The following SERPINA12 variants were observed in gnomAD, a reference collection of about 807,000 sequenced individuals.
SERPINA12 encodes the protein serpin A12.
SERPINA12 carries 21 observed loss-of-function variants against 25.9 expected under a neutral mutation model. The ratio of observed to expected loss-of-function variants is 0.81; its 90% CI spans 0.58 to 1.17. The LOEUF (loss-of-function observed/expected upper bound fraction) is 1.17. SERPINA12 is among the 50% of genes most tolerant of loss of function. SERPINA12 has a pLI of 0.00. For synonymous variants in SERPINA12, 220 were observed against 196.0 expected (o/e 1.12, Z -1.02); for missense variants, 562 against 508.3 (o/e 1.11, Z -1.02).
intron 3 of SERPINA12, among the ~76,000 whole-genome samples, chr14:94,495,556 G>A (rs903644545): frequency 6.6e-6 from 1 of 152,184 alleles, no homozygotes; most frequent in African/African-American, 2.4e-5. Context: ...AGGACGTTAG[G>A]TGTGGCAGAG....
In SERPINA12 at chr14:94,487,346, G is replaced by A; in HGVS notation, c.1202C>T (p.Ser401Phe). The A allele has an allele frequency of 1.2e-6, 2 of 1,614,078 alleles. No individual in the cohort carries two copies. Among genetic ancestry groups the A allele is most frequent in the Non-Finnish European group, 1.7e-6 (2 of 1,179,986 alleles). Residue 401 changes from serine to phenylalanine, a missense_variant, in exon 5 of 5, where the codon TCC (serine) becomes TTC (phenylalanine). By Grantham distance (155) the Ser-to-Phe change is radical. Transcript: ENST00000677451. ...LLLIYSEKIP[S>F]VLFLGKIVNP... ...AACAATCTTTCCCAGGAAGAGCACG[G>A]AAGGTATTTTCTCGCTGTAAATCAG...
intron 3 of SERPINA12, among the ~76,000 whole-genome samples, chr14:94,492,239 T>C (rs1381694647): frequency 1.3e-5 from 2 of 150,798 alleles, no homozygotes; most frequent in Non-Finnish European, 3.0e-5. Context: ...TGGACTGGAG[T>C]GGATTTAGGA....
intron 3 of SERPINA12, among the ~76,000 whole-genome samples, chr14:94,490,689 C>G (rs1449511039): frequency 6.6e-6 from 1 of 152,116 alleles, no homozygotes; most frequent in Non-Finnish European, 1.5e-5. Flanking sequence ...TATCTCCACT[C>G]CCTCCCACAA....
rs34827644 is a variant in SERPINA12 at position 94,496,495 on chromosome 14, T to C, written c.783A>G (p.Glu261=). ...CTGTGATATTTTTCTGGTAGGGTAT[T>C]TCCAGGATGGTGCAAGAGAGCTTAT... ...YDDKLSCTIL[E]IPYQKNITAI... is the part of the protein sequence containing the mutation. Residue 261 remains glutamate, a synonymous_variant, in exon 3 of 5, where the codon GAA becomes GAG. Coordinates refer to ENST00000677451, the MANE Select transcript of SERPINA12 (RefSeq NM_001382267.1). 1.9e-3 allele frequency: 3,021 copies of C among 1,614,122 alleles called. 56 individuals are homozygous for C. In the African/African-American group the frequency reaches 0.036, roughly 19 times the overall value.
In SERPINA12 at chr14:94,497,859, A is replaced by T. The variant is rs1161775165; in HGVS notation, c.539T>A (p.Phe180Tyr). The change falls in exon 2 of 5, where the codon TTT (phenylalanine) becomes TAT (tyrosine). Residue 180 changes from phenylalanine to tyrosine, a missense_variant. Physicochemically the swap from Phe to Tyr is conservative, Grantham distance 22. Coordinates refer to ENST00000677451, the MANE Select transcript of SERPINA12 (RefSeq NM_001382267.1). ...TTTCCCATGGGTTTTTTGACTGATA[A>T]AGTCATTGATCTGCTTCTGAGCCAT... ...LEMAQKQIND[F>Y]ISQKTHGKIN... 6.2e-7 allele frequency: 1 copy of T among 1,614,174 alleles called. No individual in the cohort carries two copies. The highest frequency in any genetic ancestry group is 8.5e-7 in the Non-Finnish European group (1 of 1,180,038).
At chr14:94,502,683 G>C (rs1189934050) in intron 1 of SERPINA12, among the ~76,000 whole-genome samples, 1 of 152,196 alleles carries the variant, frequency 6.6e-6, no homozygotes, top group Non-Finnish European at 1.5e-5. Context: ...GGATGAAACT[G>C]ACTGGCTAGA....
intron 1 of SERPINA12, chr14:94,501,163 G>T (rs542366800): frequency 1.0e-6 from 1 of 985,378 alleles, no homozygotes; most frequent in African/African-American, 1.7e-5. Flanking sequence ...CCATTTCAGG[G>T]TTTAGGGGGC....
chr14:94,511,823 ACT>A (rs1241012966), upstream of SERPINA12: 1 of 675,816 alleles, frequency 1.5e-6, no homozygotes, highest in African/African-American at 2.0e-5. Context: ...AGGGACAGAC[ACT>A]GGGGGGTCAC....
Position 94,501,039 on chromosome 14 carries a change from A to G in SERPINA12, c.-33-2609T>C, listed in dbSNP as rs923198987. On this transcript the variant is annotated intron_variant, in intron 1 of 4. Transcript: ENST00000677451. ...AAAAACCACTTCTTGGTAAAACTTA[A>G]TAACAGCTGGTGATGAACAAGGGCT... is the stretch of plus-strand genomic sequence containing the variant. The G allele has an allele frequency of 8.1e-6, 8 of 985,296 alleles. No homozygotes were observed. In the African/African-American group the frequency reaches 1.0e-4, roughly 13 times the overall value. The allele number at this position is 985,296 out of a possible 1,614,324, so 61.0% of individuals were successfully genotyped here.
At chr14:94,510,618 G>T (rs1901084951), upstream of SERPINA12, among the ~76,000 whole-genome samples, 1 of 152,106 alleles carries the variant, frequency 6.6e-6, no homozygotes, top group Admixed American at 6.5e-5. Context: ...TATCTACCCA[G>T]AGGAAAAGAA....
rs201952151 is a variant in SERPINA12, at chr14:94,487,540, G to A, written c.1054-46C>T. On this transcript the variant is annotated intron_variant, in intron 4 of 4. Transcript: ENST00000677451. ...GTCAAGGTCTGCCAAGCTCCTTGGC[G>A]ACCACAGTGGGCCGGAGGCCCAGAG... The A allele has an allele frequency of 4.6e-6, 7 of 1,521,586 alleles. No homozygotes were observed. The East Asian group carries it at 1.1e-4, about 25-fold the overall frequency. The allele number at this position is 1,521,586 out of a possible 1,614,324, so 94.3% of individuals were successfully genotyped here. A position where few individuals can be genotyped will look rare whatever the true frequency, so the allele number is the denominator to read the frequency against.
upstream of SERPINA12, chr14:94,510,256 A>C (rs1367467193): frequency 7.1e-6 from 7 of 985,322 alleles, no homozygotes; most frequent in Non-Finnish European, 8.4e-6. Context: ...ACTTAAAATA[A>C]TATAGACCCA....
intron 4 of SERPINA12, among the ~76,000 whole-genome samples, chr14:94,487,696 A>G (rs1202909042): frequency 2.0e-5 from 3 of 152,120 alleles, no homozygotes; most frequent in Non-Finnish European, 4.4e-5. Flanking sequence ...GTGAAGGAAA[A>G]GATGGTGCAG....
At chr14:94,492,215 G>A (rs1264944837) in intron 3 of SERPINA12, among the ~76,000 whole-genome samples, 1 of 152,244 alleles carries the variant, frequency 6.6e-6, no homozygotes, top group Non-Finnish European at 1.5e-5. Context: ...TCTGTGAGAA[G>A]TGGGTGCAGA....
At chr14:94,513,787 A>G (rs746656299), upstream of SERPINA12, among the ~76,000 whole-genome samples, 1 of 152,236 alleles carries the variant, frequency 6.6e-6, no homozygotes, top group Non-Finnish European at 1.5e-5. Flanking sequence ...CCTAAACACC[A>G]TACAACTGCT....
chr14:94,495,772 G>C (rs886512561), intron 3 of SERPINA12, among the ~76,000 whole-genome samples: 2 of 152,152 alleles, frequency 1.3e-5, no homozygotes, highest in African/African-American at 4.8e-5. Flanking sequence ...CTGACACTAA[G>C]TCCCCAAGAC....
rs1321596060 is a variant in SERPINA12, at chr14:94,498,038, G to A, written c.360C>T (p.Ile120=). The A allele has an allele frequency of 1.1e-5, 18 of 1,614,056 alleles. No individual in the cohort carries two copies. The highest frequency in any genetic ancestry group is 3.3e-5 in the Admixed American group (2 of 60,006). ...KDLHEGFHYI[I]HELTQKTQDL... ...CCTGGGTCTTCTGGGTCAGCTCGTG[G>A]ATGATGTAATGGAAGCCCTCATGAA... is the stretch of plus-strand genomic sequence containing the variant. The change falls in exon 2 of 5, where the codon ATC becomes ATT. Residue 120 remains isoleucine (I), a synonymous_variant. Coordinates refer to ENST00000677451, the MANE Select transcript of SERPINA12 (RefSeq NM_001382267.1).
At position 94,496,501 on chromosome 14, in the gene SERPINA12, G is replaced by A. The variant is rs756170760; in HGVS notation, c.777C>T (p.Ile259=). Residue 259 remains isoleucine, a synonymous_variant, in exon 3 of 5, where the codon ATC becomes ATT. Coordinates refer to ENST00000677451, the MANE Select transcript of SERPINA12 (RefSeq NM_001382267.1). ...VGYDDKLSCT[I]LEIPYQKNIT... ...TATTTTTCTGGTAGGGTATTTCCAG[G>A]ATGGTGCAAGAGAGCTTATCGTCAT... The A allele has an allele frequency of 1.1e-5, 18 of 1,614,102 alleles. No individual in the cohort carries two copies. The South Asian group carries it at 2.0e-4, about 18-fold the overall frequency.
At chr14:94,516,841 G>C (rs28707073) in intron 1 of SERPINA12, among the ~76,000 whole-genome samples, 2,144 of 152,290 alleles carry the variant, frequency 0.014, 40 homozygotes, top group African/African-American at 0.048. Context: ...GAACACAGGG[G>C]TCAGGGTAGA....
Sources: allele counts gnomAD v4.1 joint callset (sites outside exome capture counted in the v4.1 genomes callset), GRCh38; gene constraint gnomAD v4.1.1; transcripts MANE v1.5; gene names NCBI Gene and HGNC (gene_info 2026-07-23, HGNC 2026-07-21).